Variants in ARPP21 observed in about 807,000 individuals in gnomAD.
ARPP21 encodes cAMP regulated phosphoprotein 21, also known as cAMP-regulated phosphoprotein 21.
ARPP21 carries 69 observed loss-of-function variants against 113.2 expected under a neutral mutation model. The ratio of observed to expected loss-of-function variants is 0.61; its 90% confidence interval spans 0.50 to 0.74. The LOEUF (loss-of-function observed/expected upper bound fraction) is 0.74. ARPP21 is among the 30% of genes least tolerant of loss of function. ARPP21 has a pLI of 0.00. For missense variants in ARPP21, 1,070 were observed against 1,037.4 expected, an observed-to-expected ratio of 1.03 and a Z score of -0.43; for synonymous variants, 368 against 375.5, an observed-to-expected ratio of 0.98 and a Z score of 0.23.
intron 1 of ARPP21, among the ~76,000 whole-genome samples, chr3:35,667,539 G>A (rs535457397): frequency 1.3e-5 from 2 of 151,974 alleles, no homozygotes; most frequent in Non-Finnish European, 2.9e-5. Flanking sequence ...GTCACTTTCA[G>A]ATTCTTCTCA....
Position 35,690,178 on chromosome 3 carries a change from A to G in ARPP21, c.545+38A>G, listed in dbSNP as rs1447096482. ...TCAATGCTGGTTAATTTGATCATGTATCCTAGTTTGGTATTGGAGTTAAAT... is the reference window on the plus strand; with the variant it reads ...TCAATGCTGGTTAATTTGATCATGTGTCCTAGTTTGGTATTGGAGTTAAAT... On this transcript the variant is annotated intron_variant, in intron 8 of 20. Transcript: ENST00000684406. The G allele has an allele frequency of 5.1e-6, 5 of 983,288 alleles. No homozygotes were observed. The African/African-American group carries it at 7.9e-5, about 16-fold the overall frequency. 60.9% of individuals were successfully genotyped at this position (983,288 alleles called of 1,614,324 possible). A position where few individuals can be genotyped will look rare whatever the true frequency, so the allele number is the denominator to read the frequency against.
chr3:35,704,847 C>A (rs2088115498), intron 9 of ARPP21, among the ~76,000 whole-genome samples: 1 of 151,964 alleles, frequency 6.6e-6, no homozygotes, highest in Non-Finnish European at 1.5e-5. Context: ...TTAAAAAAGA[C>A]AAGGTCTGTA....
intron 1 of ARPP21, chr3:35,652,074 G>C (rs927066907): frequency 6.6e-6 from 1 of 152,068 alleles, no homozygotes; most frequent in Non-Finnish European, 1.5e-5. Context: ...TTGAAAAAGA[G>C]ATGTGGGTAT....
chr3:35,689,820 A>G (rs552820152), intron 7 of ARPP21, among the ~76,000 whole-genome samples: 27 of 151,704 alleles, frequency 1.8e-4, no homozygotes, highest in African/African-American at 6.3e-4. Context: ...TTTGCATGCC[A>G]TAATTAACAT....
At chr3:35,695,840 A>T (rs796387507) in intron 9 of ARPP21, among the ~76,000 whole-genome samples, 3 of 151,634 alleles carry the variant, frequency 2.0e-5, no homozygotes, top group African/African-American at 7.2e-5. Context: ...AGAGCCACCT[A>T]ATGAAAAGGA....
intron 11 of ARPP21, among the ~76,000 whole-genome samples, chr3:35,711,839 A>C (rs1423202435): frequency 6.6e-6 from 1 of 152,188 alleles, no homozygotes; most frequent in Non-Finnish European, 1.5e-5. Flanking sequence ...AAAGTGATTT[A>C]AGGGAGAAAG....
chr3:35,764,462 C>T (rs2095883262), intron 19 of ARPP21, among the ~76,000 whole-genome samples: 1 of 152,072 alleles, frequency 6.6e-6, no homozygotes, highest in South Asian at 2.1e-4. Context: ...CTTTTCTTCT[C>T]TTCAATGGCT....
intron 19 of ARPP21, among the ~76,000 whole-genome samples, chr3:35,781,840 G>T (rs2096533428): frequency 1.3e-5 from 2 of 152,086 alleles, no homozygotes; most frequent in African/African-American, 4.8e-5. Context: ...CTTTAAAAAT[G>T]TTTAGTCCCA....
intron 15 of ARPP21, among the ~76,000 whole-genome samples, chr3:35,735,288 T>C (rs2094275542): frequency 6.6e-6 from 1 of 151,820 alleles, no homozygotes; most frequent in South Asian, 2.1e-4. Context: ...ATTTTTTGTA[T>C]TTTTTTTAGA....
At chr3:35,667,448 A>G (rs987861009) in intron 1 of ARPP21, among the ~76,000 whole-genome samples, 3 of 152,148 alleles carry the variant, frequency 2.0e-5, no homozygotes, top group African/African-American at 7.2e-5. Context: ...TCATCAAGTT[A>G]TTATTGAATT....
chr3:35,698,009 A>C (rs1199536394), intron 9 of ARPP21, among the ~76,000 whole-genome samples: 3 of 151,572 alleles, frequency 2.0e-5, no homozygotes, highest in Admixed American at 2.0e-4. Context: ...ATTTCTAAAC[A>C]TGGTAAATTT....
intron 19 of ARPP21, among the ~76,000 whole-genome samples, chr3:35,759,676 C>CTGTGTGTGTGTG (rs57456659): frequency 0.039 from 5,522 of 140,784 alleles, 156 homozygotes; most frequent in South Asian, 0.083. Context: ...TTTTCTCTCT[C>CTGTGTGTGTGTG]TGTGTGTGTG....
intron 10 of ARPP21, among the ~76,000 whole-genome samples, chr3:35,708,671 G>A (rs552803336): frequency 6.6e-6 from 1 of 152,180 alleles, no homozygotes; most frequent in Non-Finnish European, 1.5e-5. Context: ...GAGCCATCAC[G>A]TATGTGAATT....
chr3:35,639,420 C>T (rs576072138), upstream of ARPP21, among the ~76,000 whole-genome samples: 1 of 152,134 alleles, frequency 6.6e-6, no homozygotes, highest in South Asian at 2.1e-4. This position sits in a 1 kb window ranked among gnomAD's most constrained non-coding sequence, Gnocchi z 5.0. Flanking sequence ...GCGTTGCCCT[C>T]AGCCCGGGCG....
chr3:35,707,624 C>A, intron 10 of ARPP21: 2 of 436,502 alleles, frequency 4.6e-6, no homozygotes, highest in East Asian at 7.1e-5. Context: ...CTTTTATCCC[C>A]TCTCCTTCCC....
At chr3:35,728,705 T>C (rs1019671751) in intron 14 of ARPP21, among the ~76,000 whole-genome samples, 1 of 152,080 alleles carries the variant, frequency 6.6e-6, no homozygotes, top group African/African-American at 2.4e-5. Context: ...TTAAAAGGGA[T>C]CCTATTTGAT....
chr3:35,687,160 T>G (rs1440404962), intron 5 of ARPP21, among the ~76,000 whole-genome samples: 1 of 151,390 alleles, frequency 6.6e-6, no homozygotes, highest in Non-Finnish European at 1.5e-5. Context: ...TTATAATAAG[T>G]TTATACCTAG....
chr3:35,725,642 C>T (rs1040375042), intron 14 of ARPP21, among the ~76,000 whole-genome samples: 2 of 152,244 alleles, frequency 1.3e-5, no homozygotes, highest in Non-Finnish European at 2.9e-5. Flanking sequence ...CCTTCCCCTT[C>T]TGCCCTGTCC....
At chr3:35,646,623 A>G (rs535700702) in intron 1 of ARPP21, among the ~76,000 whole-genome samples, 2 of 152,238 alleles carry the variant, frequency 1.3e-5, no homozygotes, top group South Asian at 2.1e-4. Flanking sequence ...TTTTAGTCAA[A>G]TCATGATTCT....
Sources: allele counts gnomAD v4.1 joint callset (sites outside exome capture counted in the v4.1 genomes callset), GRCh38; gene constraint gnomAD v4.1.1; non-coding constraint Gnocchi (gnomAD v3.1); transcripts MANE v1.5; gene names NCBI Gene and HGNC (gene_info 2026-07-23, HGNC 2026-07-21).